Variants in PCNX2 observed in about 807,000 individuals in gnomAD.
The protein encoded by PCNX2 is pecanex 2, also known as pecanex-like protein 2.
A neutral mutation model predicts 223.8 loss-of-function variants in PCNX2; 168 were observed. That is an observed-to-expected ratio of 0.75 (90% CI 0.66 to 0.85). The LOEUF (loss-of-function observed/expected upper bound fraction) is 0.85. PCNX2 is among the 40% of genes least tolerant of loss of function. The pLI is 0.00. For synonymous variants in PCNX2, 1,006 were observed against 1,052.6 expected (o/e 0.96, Z 0.86); for missense variants, 2,507 against 2,675.5 (o/e 0.94, Z 1.39).
intron 5 of PCNX2, among the ~76,000 whole-genome samples, chr1:233,257,808 T>C (rs1033124163): frequency 1.3e-5 from 2 of 152,186 alleles, no homozygotes; most frequent in Admixed American, 1.3e-4. Flanking sequence ...ATTATGACAA[T>C]GCCTTAAGTG....
At chr1:233,325,919 G>A in the PCNX2 span, among the ~76,000 whole-genome samples, 2 of 152,174 alleles carry the variant, frequency 1.3e-5, no homozygotes, top group African/African-American at 4.8e-5. Context: ...GAAGTCTTTC[G>A]TGAAAGGTAA....
chr1:233,168,201 A>G (rs954267356), intron 17 of PCNX2, among the ~76,000 whole-genome samples: 6 of 152,134 alleles, frequency 3.9e-5, no homozygotes, highest in African/African-American at 1.4e-4. Context: ...GTTTCCCATT[A>G]TAGAATAACA....
At position 232,986,555 on chromosome 1, in the gene PCNX2, A is replaced by G. The variant is rs1343770026; in HGVS notation, c.5792-15T>C. The G allele has an allele frequency of 1.5e-5, 22 of 1,502,166 alleles. No homozygotes were observed. The highest frequency in any genetic ancestry group is 2.3e-5 in the East Asian group (1 of 43,078). The allele number at this position is 1,502,166 out of a possible 1,614,324, so 93.1% of individuals were successfully genotyped here. A position where few individuals can be genotyped will look rare whatever the true frequency, so the allele number is the denominator to read the frequency against. On this transcript the variant is annotated splice_polypyrimidine_tract_variant and intron_variant, in intron 32 of 33. Transcript: ENST00000258229. The stretch of plus-strand genomic sequence containing the variant: ...TTTCCTCCTGCCTTTAAAAGAAAGC[A>G]GAACACAGAGTTGTAGCGGGTGGGT...
At position 233,025,220 on chromosome 1, in the gene PCNX2, T is replaced by C; in HGVS notation, c.4531A>G (p.Ile1511Val). 2 of 1,614,010 alleles carry C rather than the reference T, an allele frequency of 1.2e-6. No individual in the cohort carries two copies. The highest frequency in any genetic ancestry group is 1.1e-5 in the South Asian group (1 of 91,082). ...ATGGTGGCCGCGTTGTTGTCCAGGA[T>C]GCTGTAGCCCTCCAGGATGTACTGG... is the stretch of plus-strand genomic sequence containing the variant. ...QTQYILEGYS[I>V]LDNNAATMLQ... Residue 1511 changes from isoleucine (I) to valine (V), a missense_variant, in exon 26 of 34, where the codon ATC becomes GTC. By Grantham distance (29) the Ile-to-Val change is conservative. This residue lies in a region of PCNX2 where 1,372 missense variants were observed against 1,509.4 expected (regional missense o/e 0.91). Transcript: ENST00000258229.
chr1:233,049,236 C>T (rs959097843), intron 25 of PCNX2, among the ~76,000 whole-genome samples: 1 of 152,136 alleles, frequency 6.6e-6, no homozygotes, highest in Non-Finnish European at 1.5e-5. Context: ...CAAAAATCTT[C>T]AGCAAACTAC....
intron 21 of PCNX2, among the ~76,000 whole-genome samples, chr1:233,115,479 C>T (rs149934816): frequency 4.6e-5 from 7 of 152,282 alleles, no homozygotes; most frequent in Admixed American, 1.3e-4. Flanking sequence ...GCTAAAGCAA[C>T]GTTAAACATG....
chr1:233,206,795 G>A (rs1163656315), intron 13 of PCNX2, among the ~76,000 whole-genome samples: 2 of 152,176 alleles, frequency 1.3e-5, no homozygotes, highest in South Asian at 2.1e-4. Context: ...TGAGGTGGGC[G>A]GATCACTTGA....
intron 21 of PCNX2, among the ~76,000 whole-genome samples, chr1:233,112,269 C>T (rs933069201): frequency 6.6e-6 from 1 of 152,192 alleles, no homozygotes; most frequent in Admixed American, 6.5e-5. Context: ...TGCCTACAGC[C>T]AGCACAGGAA....
intron 17 of PCNX2, among the ~76,000 whole-genome samples, chr1:233,174,540 G>A (rs779863656): frequency 1.3e-5 from 2 of 151,842 alleles, no homozygotes; most frequent in Non-Finnish European, 2.9e-5. Flanking sequence ...AAGAACCCCT[G>A]TTCCAACATT....
At position 233,236,948 on chromosome 1, in the gene PCNX2, G is replaced by T; in HGVS notation, c.2255C>A (p.Thr752Asn). Reference protein sequence around the residue: ...EMQVSSSSTTTSESQDPSSGD... With the variant: ...EMQVSSSSTTNSESQDPSSGD... ...AGAAGACGGATCTTGACTCTCAGAA[G>T]TTGTGGTACTGGAGGAGCTGACCTG... The change falls in exon 9 of 34, where the codon ACT (threonine) becomes AAT (asparagine). Residue 752 changes from threonine (T) to asparagine (N), a missense_variant. By Grantham distance (65) the Thr-to-Asn change is moderately conservative. Transcript: ENST00000258229. 1 of 1,613,996 alleles carries T rather than the reference G, an allele frequency of 6.2e-7. No individual in the cohort carries two copies.
chr1:233,229,856 T>C (rs959866508), intron 9 of PCNX2, among the ~76,000 whole-genome samples: 1 of 152,124 alleles, frequency 6.6e-6, no homozygotes, highest in Non-Finnish European at 1.5e-5. Context: ...TCACTTCTTT[T>C]ATGGGAAAAA....
At chr1:233,053,061 C>T (rs970147839) in intron 25 of PCNX2, among the ~76,000 whole-genome samples, 1 of 151,998 alleles carries the variant, frequency 6.6e-6, no homozygotes, top group African/African-American at 2.4e-5. Flanking sequence ...ATATTCTCCA[C>T]ACAGCCACCA....
intron 21 of PCNX2, among the ~76,000 whole-genome samples, chr1:233,108,420 G>T (rs758117815): frequency 1.3e-5 from 2 of 152,174 alleles, no homozygotes; most frequent in Non-Finnish European, 2.9e-5. Context: ...CAGTGGAATC[G>T]ATGAGTTGGT....
Position 233,258,944 on chromosome 1 carries a change from G to A in PCNX2, c.918C>T (p.Asp306=), listed in dbSNP as rs755112664. 3 of 1,613,980 alleles carry A rather than the reference G, an allele frequency of 1.9e-6. No homozygotes were observed. The highest frequency in any genetic ancestry group is 1.1e-5 in the South Asian group (1 of 91,082). Residue 306 remains aspartate (D), a synonymous_variant, in exon 5 of 34, where the codon GAC becomes GAT. Transcript: ENST00000258229. ...RERVQSKSPQ[D]SLSSSCPQCD... The stretch of plus-strand genomic sequence containing the variant: ...ATTGAGGGCAGCTGCTGCTCAGGCT[G>A]TCCTGAGGTGACTTGCTTTGTACCC...
the PCNX2 span, among the ~76,000 whole-genome samples, chr1:233,310,907 T>C: frequency 1.1e-4 from 17 of 152,050 alleles, no homozygotes; most frequent in African/African-American, 7.2e-5. Context: ...CAATCAGCTC[T>C]CTCATTACCA....
rs138487185 is a variant in PCNX2 at position 233,121,649 on chromosome 1, T to C, written c.3837+13364A>G. 1.7e-3 allele frequency among the ~76,000 whole-genome samples: 261 copies of C among 152,286 alleles called. 2 individuals carry two copies. Among genetic ancestry groups the C allele is most frequent in the African/African-American group, 5.5e-3 (229 of 41,558 alleles). ...GGTGACTGTACATGCGAATTGGAAT[T>C]GAACAGTTAACTAAATGGATGACAG... On this transcript the variant is annotated intron_variant, in intron 21 of 33. Coordinates refer to ENST00000258229, the MANE Select transcript of PCNX2 (RefSeq NM_014801.4).
At chr1:233,312,334 T>C in the PCNX2 span, among the ~76,000 whole-genome samples, 1 of 152,154 alleles carries the variant, frequency 6.6e-6, no homozygotes. Flanking sequence ...CAAATAAATG[T>C]AGAATCTAGA....
chr1:233,159,039 C>A (rs1007703596), intron 19 of PCNX2, among the ~76,000 whole-genome samples: 1 of 152,104 alleles, frequency 6.6e-6, no homozygotes, highest in Admixed American at 6.5e-5. Context: ...TTCAGTAGTA[C>A]ACGGAATTGT....
chr1:233,257,747 G>C (rs547031180), intron 5 of PCNX2, among the ~76,000 whole-genome samples: 1 of 152,128 alleles, frequency 6.6e-6, no homozygotes, highest in Non-Finnish European at 1.5e-5. Context: ...AAATATAATT[G>C]CTTATTTCTC....
Sources: allele counts gnomAD v4.1 joint callset (sites outside exome capture counted in the v4.1 genomes callset), GRCh38; gene constraint gnomAD v4.1.1; regional missense constraint gnomAD v4.1.1; transcripts MANE v1.5; gene names NCBI Gene and HGNC (gene_info 2026-07-23, HGNC 2026-07-21).